The following CNTN5 variants were observed in gnomAD, a reference collection of about 807,000 sequenced individuals.
The protein encoded by CNTN5 is contactin-5.
CNTN5 carries 77 observed loss-of-function variants against 129.1 expected under a neutral mutation model. That is an observed-to-expected ratio of 0.60 (90% confidence interval 0.50 to 0.72). The LOEUF is 0.72. Among genes scored for constraint, CNTN5 ranks in the 30% least tolerant of loss-of-function variants. The pLI, the probability that CNTN5 is intolerant of heterozygous loss-of-function variation, is 0.00. For missense variants in CNTN5, 1,478 were observed against 1,328.8 expected (o/e 1.11, Z -1.75); for synonymous variants, 509 against 465.6 (o/e 1.09, Z -1.20).
At chr11:99,270,576 A>G (rs1863126097) in intron 1 of CNTN5, among the ~76,000 whole-genome samples, 1 of 151,940 alleles carries the variant, frequency 6.6e-6, no homozygotes, top group Non-Finnish European at 1.5e-5. Flanking sequence ...AAAATAGTCT[A>G]CATATGACCT....
At chr11:99,719,345 A>G (rs761892307) in intron 3 of CNTN5, among the ~76,000 whole-genome samples, 6 of 151,878 alleles carry the variant, frequency 4.0e-5, no homozygotes, top group Non-Finnish European at 8.8e-5. Flanking sequence ...ACATAGTAAC[A>G]TAATAGAGGA....
chr11:100,126,380 C>T lies in CNTN5; in HGVS notation c.1580+52086C>T, dbSNP rs903252704. On this transcript the variant is annotated intron_variant, in intron 13 of 24. Coordinates refer to ENST00000524871, the MANE Select transcript of CNTN5 (RefSeq NM_014361.4). ...TGTACCTTGATAATCTTTGTAATAC[C>T]GTCAGTTGGTCCCCCTCTACTATTG... 6.6e-5 allele frequency among the ~76,000 whole-genome samples: 10 copies of T among 152,116 alleles called. No individual in the cohort carries two copies. The South Asian group carries it at 1.0e-3, about 16-fold the overall frequency.
intron 16 of CNTN5, among the ~76,000 whole-genome samples, chr11:100,237,335 G>T (rs76303064): frequency 6.6e-6 from 1 of 151,942 alleles, no homozygotes; most frequent in East Asian, 1.9e-4. Flanking sequence ...TTCCCCAATC[G>T]TACTTTATTT....
intron 3 of CNTN5, among the ~76,000 whole-genome samples, chr11:99,753,060 T>C (rs976833839): frequency 2.0e-5 from 3 of 151,430 alleles, no homozygotes; most frequent in African/African-American, 7.3e-5. Flanking sequence ...TATGTAACAA[T>C]TGAAGAATGT....
At chr11:100,345,177 A>G (rs899835524) in intron 23 of CNTN5, among the ~76,000 whole-genome samples, 8 of 152,182 alleles carry the variant, frequency 5.3e-5, no homozygotes, top group Non-Finnish European at 1.0e-4. Flanking sequence ...GAGATGCCCA[A>G]GATCAAGGCT....
At chr11:99,285,035 A>G (rs1863872355) in intron 1 of CNTN5, among the ~76,000 whole-genome samples, 1 of 152,080 alleles carries the variant, frequency 6.6e-6, no homozygotes, top group Non-Finnish European at 1.5e-5. Context: ...TATAAAATGT[A>G]AAATTTTTGT....
At chr11:99,454,656 T>C (rs1591086673) in intron 2 of CNTN5, among the ~76,000 whole-genome samples, 1 of 152,166 alleles carries the variant, frequency 6.6e-6, no homozygotes, top group South Asian at 2.1e-4. Flanking sequence ...CAATTAAACC[T>C]CTTTCCTTTA....
rs201726996 is a variant in CNTN5, at chr11:100,337,559, GA to G, written c.2731-2903del. On this transcript the variant is annotated intron_variant, in intron 21 of 24. Coordinates refer to ENST00000524871, the MANE Select transcript of CNTN5 (RefSeq NM_014361.4). Reference sequence around the variant, plus strand: ...CAGTCAAGCAAGCTGTGGATTTTCTGAGCAATGAGGGGCACGTCTATTCTAC... The same window carrying G: ...CAGTCAAGCAAGCTGTGGATTTTCTGGCAATGAGGGGCACGTCTATTCTAC... The G allele has an allele frequency of 2.7e-3, 1,993 of 744,062 alleles. 27 individuals are homozygous for G. In the African/African-American group the frequency reaches 0.03, roughly 11 times the overall value. 46.1% of individuals were successfully genotyped at this position (744,062 alleles called of 1,614,324 possible).
chr11:99,647,696 GTCT>G (rs1173048255), intron 3 of CNTN5, among the ~76,000 whole-genome samples: 5 of 150,790 alleles, frequency 3.3e-5, no homozygotes, highest in South Asian at 2.1e-4. Context: ...TTTTTTGTGT[GTCT>G]TCTTTGATTT....
chr11:100,008,970 C>T (rs1294081593), intron 9 of CNTN5, among the ~76,000 whole-genome samples: 1 of 152,038 alleles, frequency 6.6e-6, no homozygotes, highest in Non-Finnish European at 1.5e-5. Context: ...TTAGAGCGTG[C>T]ATATTAGTGC....
chr11:100,038,920 C>G (rs1373817678), intron 9 of CNTN5, among the ~76,000 whole-genome samples: 2 of 152,106 alleles, frequency 1.3e-5, no homozygotes, highest in Non-Finnish European at 2.9e-5. Flanking sequence ...GACTCTTTAT[C>G]CAATTTGCCA....
intron 2 of CNTN5, among the ~76,000 whole-genome samples, chr11:99,398,548 C>T (rs1941642811): frequency 6.6e-6 from 1 of 151,944 alleles, no homozygotes. Context: ...CTGGGAATCA[C>T]TTACCATCCC....
At chr11:99,424,290 A>G (rs1009206886) in intron 2 of CNTN5, among the ~76,000 whole-genome samples, 1 of 152,204 alleles carries the variant, frequency 6.6e-6, no homozygotes, top group Admixed American at 6.5e-5. Flanking sequence ...CAAGTGACTA[A>G]TGGGTGGGTA....
chr11:100,030,552 G>C (rs1941655317), intron 9 of CNTN5, among the ~76,000 whole-genome samples: 3 of 152,162 alleles, frequency 2.0e-5, no homozygotes, highest in Admixed American at 6.5e-5. Flanking sequence ...TGTCACAAGT[G>C]TGCCATGTAT....
At position 99,253,897 on chromosome 11, in the gene CNTN5, T is replaced by TTATATATATATATA. The variant is rs67720359; in HGVS notation, c.-209-71435_-209-71422dup. Among the ~76,000 whole-genome samples, 467 of 139,002 alleles carry TTATATATATATATA rather than the reference T, an allele frequency of 3.4e-3. 1 individual carries two copies. The highest frequency in any genetic ancestry group is 9.5e-3 in the African/African-American group (357 of 37,642). 91.2% of individuals were successfully genotyped at this position (139,002 alleles called of 152,430 possible). On this transcript the variant is annotated intron_variant, in intron 1 of 24. Transcript: ENST00000524871. The stretch of plus-strand genomic sequence containing the variant: ...AAAATGTATTAACACAAATATACGT[T>TTATATATATATATA]TATATATATATATATATATATATAT...
intron 3 of CNTN5, among the ~76,000 whole-genome samples, chr11:99,748,497 A>G (rs1036415121): frequency 6.6e-6 from 1 of 152,134 alleles, no homozygotes; most frequent in African/African-American, 2.4e-5. Flanking sequence ...GGAGTCCAGA[A>G]AGTTCTACAA....
Position 99,735,467 on chromosome 11 carries a change from TAAG to T in CNTN5, c.56-84072_56-84070del, listed in dbSNP as rs559931457. On this transcript the variant is annotated intron_variant, in intron 3 of 24. Transcript: ENST00000524871. ...AATTTCCTATGAATGCTGTGGACCA[TAAG>T]AAGATTGAACAATGAAGATTGAATT... 4.7e-4 allele frequency among the ~76,000 whole-genome samples: 72 copies of T among 152,344 alleles called. 2 individuals are homozygous for T. Among genetic ancestry groups the T allele is most frequent in the Non-Finnish European group, 8.4e-4 (57 of 68,026 alleles).
intron 1 of CNTN5, among the ~76,000 whole-genome samples, chr11:99,201,668 G>A (rs1197916465): frequency 6.6e-6 from 1 of 152,102 alleles, no homozygotes; most frequent in Non-Finnish European, 1.5e-5. Context: ...AAAGTGAAAA[G>A]AGGATGGCAA....
chr11:99,587,626 T>C (rs548077126), intron 3 of CNTN5, among the ~76,000 whole-genome samples: 10 of 152,256 alleles, frequency 6.6e-5, no homozygotes, highest in Non-Finnish European at 1.5e-5. Flanking sequence ...ATTTGAAAGA[T>C]GTGTGTGGGA....
Sources: gnomAD v4.1 joint callset for allele counts (sites outside exome capture counted in the v4.1 genomes callset) on GRCh38, gnomAD v4.1.1 for gene constraint, MANE v1.5 for transcripts, NCBI Gene and HGNC (gene_info 2026-07-23, HGNC 2026-07-21) for gene names.